The following TESK2 variants were observed in gnomAD, a reference collection of about 807,000 sequenced individuals.
The protein encoded by TESK2 is dual specificity testis-specific protein kinase 2.
Under a neutral mutation model 57.1 loss-of-function variants are expected in TESK2, and 39 were observed. The observed-to-expected ratio is 0.68, with a 90% CI of 0.53 to 0.89. The LOEUF is 0.89. Ranked by LOEUF, TESK2 falls within the 40% of genes least tolerant of loss-of-function variation. The probability of loss-of-function intolerance (pLI) is 0.00; values close to 1 mark genes in which losing one functional copy is unlikely to be tolerated. For synonymous variants in TESK2, 249 were observed against 267.9 expected, an observed-to-expected ratio of 0.93 and a Z score of 0.69; for missense variants, 646 against 732.1, an observed-to-expected ratio of 0.88 and a Z score of 1.36.
chr1:45,484,875 C>CA (rs1378074430), intron 1 of TESK2, among the ~76,000 whole-genome samples: 1 of 150,792 alleles, frequency 6.6e-6, no homozygotes, highest in Non-Finnish European at 1.5e-5. Flanking sequence ...ACTAAAAATA[C>CA]AAAAAATTAG....
At chr1:45,380,256 C>T (rs1227946363) in intron 4 of TESK2, among the ~76,000 whole-genome samples, 1 of 152,182 alleles carries the variant, frequency 6.6e-6, no homozygotes, top group Non-Finnish European at 1.5e-5. Flanking sequence ...ATCCTGCTCA[C>T]CAAGCAATTC....
intron 2 of TESK2, among the ~76,000 whole-genome samples, chr1:45,449,221 CAAAAAAAAAAAAAA>C (rs1176382573): frequency 1.8e-5 from 1 of 56,848 alleles, no homozygotes; most frequent in African/African-American, 6.7e-5. Flanking sequence ...GACTCTGTCT[CAAAAAAAAAAAAAA>C]GAAAAAAAAA....
At chr1:45,449,705 T>C (rs748988332) in intron 2 of TESK2, among the ~76,000 whole-genome samples, 6 of 152,212 alleles carry the variant, frequency 3.9e-5, no homozygotes, top group Non-Finnish European at 7.3e-5. Context: ...TGCCTGGAAG[T>C]AATTTTAAGA....
chr1:45,447,662 AATT>A (rs1490147685), intron 2 of TESK2, among the ~76,000 whole-genome samples: 3 of 152,132 alleles, frequency 2.0e-5, no homozygotes, highest in Admixed American at 2.0e-4. Flanking sequence ...TAACATAGTC[AATT>A]ATTATCTTTA....
At chr1:45,472,621 T>C (rs570762021) in intron 1 of TESK2, among the ~76,000 whole-genome samples, 2 of 150,334 alleles carry the variant, frequency 1.3e-5, no homozygotes, top group Admixed American at 1.3e-4. Flanking sequence ...CCCAGATGAC[T>C]CCAAGTTTAA....
rs187307041 is a variant in TESK2, at chr1:45,451,339, G to A, written c.222+6225C>T. On this transcript the variant is annotated intron_variant, in intron 2 of 10. Transcript: ENST00000372086. ...AGGATGTGTCCATTGCTACATCCAT[G>A]TAACTCATCTGGGGCAGCAGATGTG... Among the ~76,000 whole-genome samples, 21 of 152,304 alleles carry A rather than the reference G, an allele frequency of 1.4e-4. 1 individual carries two copies. In the East Asian group the frequency reaches 3.9e-3, roughly 28 times the overall value.
chr1:45,474,637 T>C (rs978635215), intron 1 of TESK2, among the ~76,000 whole-genome samples: 6 of 151,794 alleles, frequency 4.0e-5, no homozygotes, highest in Non-Finnish European at 8.8e-5. Context: ...CACGCTGGGC[T>C]AATTTTTGTA....
intron 2 of TESK2, among the ~76,000 whole-genome samples, chr1:45,447,578 C>T (rs1342431456): frequency 6.7e-6 from 1 of 149,516 alleles, no homozygotes; most frequent in Non-Finnish European, 1.5e-5. Context: ...TTGCAGTTAA[C>T]TTTTTTTTTT....
At chr1:45,431,625 C>T (rs1650968948) in intron 2 of TESK2, among the ~76,000 whole-genome samples, 1 of 152,158 alleles carries the variant, frequency 6.6e-6, no homozygotes, top group Admixed American at 6.5e-5. Context: ...TCCAAAACAC[C>T]TCTGGTTCCC....
chr1:45,362,396 G>A (rs1324135333), intron 4 of TESK2, among the ~76,000 whole-genome samples: 1 of 152,184 alleles, frequency 6.6e-6, no homozygotes, highest in Non-Finnish European at 1.5e-5. Context: ...TCTCTCTGAG[G>A]TAAATGCACC....
At chr1:45,419,218 T>C (rs1232685323) in intron 3 of TESK2, among the ~76,000 whole-genome samples, 1 of 152,042 alleles carries the variant, frequency 6.6e-6, no homozygotes, top group Non-Finnish European at 1.5e-5. Flanking sequence ...CCTTGTGATC[T>C]GCCTGCCTCA....
chr1:45,464,402 C>A (rs899856316), intron 1 of TESK2, among the ~76,000 whole-genome samples: 9 of 143,706 alleles, frequency 6.3e-5, no homozygotes, highest in Non-Finnish European at 1.2e-4. Context: ...CCAGCCTTGG[C>A]GACAGAGCAA....
chr1:45,447,578 C>CTT (rs58869570), intron 2 of TESK2, among the ~76,000 whole-genome samples: 13 of 149,622 alleles, frequency 8.7e-5, no homozygotes, highest in Middle Eastern at 6.8e-3. Flanking sequence ...TTGCAGTTAA[C>CTT]TTTTTTTTTT....
intron 1 of TESK2, among the ~76,000 whole-genome samples, chr1:45,484,930 C>T (rs1263012707): frequency 6.6e-6 from 1 of 151,018 alleles, no homozygotes; most frequent in Non-Finnish European, 1.5e-5. Context: ...ACTCGGGAGG[C>T]CGAGGCAGGA....
In TESK2 at chr1:45,345,962, C is replaced by T. The variant is rs779980860; in HGVS notation, c.912G>A (p.Glu304=). The T allele has an allele frequency of 1.9e-6, 3 of 1,614,146 alleles. No homozygotes were observed. The highest frequency in any genetic ancestry group is 1.7e-6 in the Non-Finnish European group (2 of 1,180,016). ...MDPKLRPSFV[E]IGKTLEEILS... is the part of the protein sequence containing the mutation. ...GAATTTCCTCCAGGGTCTTCCCAAT[C>T]TCCACAAAAGATGGGCGCAGTTTGG... Residue 304 remains glutamate (E), a synonymous_variant, in exon 10 of 11, where the codon GAG becomes GAA. Coordinates refer to ENST00000372086, the MANE Select transcript of TESK2 (RefSeq NM_007170.3).
At chr1:45,390,582 T>A (rs947524444) in intron 3 of TESK2, among the ~76,000 whole-genome samples, 3 of 151,534 alleles carry the variant, frequency 2.0e-5, no homozygotes, top group Non-Finnish European at 4.4e-5. Flanking sequence ...TCTAAGGTTT[T>A]TTTTTTTTCT....
At chr1:45,468,058 C>A (rs1652626749) in intron 1 of TESK2, among the ~76,000 whole-genome samples, 7 of 152,032 alleles carry the variant, frequency 4.6e-5, no homozygotes, top group Admixed American at 4.6e-4. Flanking sequence ...CACCTGTAGT[C>A]CTAGCTACTC....
chr1:45,458,372 C>A (rs1652196746), intron 1 of TESK2, among the ~76,000 whole-genome samples: 1 of 152,144 alleles, frequency 6.6e-6, no homozygotes, highest in Admixed American at 6.6e-5. Context: ...TGAGACCAGC[C>A]TGGCCAACAT....
chr1:45,415,078 A>G lies in TESK2; in HGVS notation c.344+6647T>C. The G allele has an allele frequency of 3.6e-6, 5 of 1,378,690 alleles. No homozygotes were observed. In the Admixed American group the frequency reaches 8.5e-5, roughly 24 times the overall value. 85.4% of individuals were successfully genotyped at this position (1,378,690 alleles called of 1,614,324 possible). ...CAGTCAAACAGCGAGCCCTTGGGCC[A>G]CGTCTCCTTCGAGCTGTTTGCAGAC... On this transcript the variant is annotated intron_variant, in intron 3 of 10. Coordinates refer to ENST00000372086, the MANE Select transcript of TESK2 (RefSeq NM_007170.3).
Sources: allele counts gnomAD v4.1 joint callset (sites outside exome capture counted in the v4.1 genomes callset), GRCh38; gene constraint gnomAD v4.1.1; transcripts MANE v1.5; gene names NCBI Gene and HGNC (gene_info 2026-07-23, HGNC 2026-07-21).